The following NELL1 variants were observed in gnomAD, a reference collection of about 807,000 sequenced individuals.
NELL1 encodes the protein protein kinase C-binding protein NELL1.
Under a neutral mutation model 107.4 loss-of-function variants are expected in NELL1, and 76 were observed. That is an observed-to-expected ratio of 0.71 (90% CI 0.59 to 0.86). The LOEUF is 0.86. NELL1 is among the 40% of genes least tolerant of loss of function. NELL1 has a pLI of 0.00. For synonymous variants in NELL1, 353 were observed against 341.2 expected (o/e 1.03, Z -0.38); for missense variants, 1,024 against 1,005.5 (o/e 1.02, Z -0.25).
intron 3 of NELL1, among the ~76,000 whole-genome samples, chr11:20,827,264 G>A (rs1177987204): frequency 6.6e-6 from 1 of 151,244 alleles, no homozygotes; most frequent in African/African-American, 2.4e-5. Context: ...TTATTCTTGT[G>A]CCAAAGCTCT....
intron 12 of NELL1, among the ~76,000 whole-genome samples, chr11:21,045,840 C>G (rs11025890): frequency 5.3e-5 from 8 of 152,094 alleles, no homozygotes; most frequent in Non-Finnish European, 1.2e-4. Flanking sequence ...TCATAAATGC[C>G]TTTCCACGTA....
intron 12 of NELL1, among the ~76,000 whole-genome samples, chr11:21,083,677 G>A (rs1206865161): frequency 6.6e-6 from 1 of 152,132 alleles, no homozygotes; most frequent in Admixed American, 6.5e-5. Context: ...TCTTAGTTTA[G>A]AGTATGTATA....
At chr11:21,457,231 G>A (rs1267805425) in intron 15 of NELL1, among the ~76,000 whole-genome samples, 2 of 152,040 alleles carry the variant, frequency 1.3e-5, no homozygotes, top group East Asian at 1.9e-4. Context: ...TTGGCTGGGT[G>A]GGTTGGTGAA....
intron 12 of NELL1, among the ~76,000 whole-genome samples, chr11:21,001,909 G>A (rs1852231080): frequency 6.6e-6 from 1 of 152,140 alleles, no homozygotes; most frequent in Non-Finnish European, 1.5e-5. Context: ...ACAGCCGTAG[G>A]CAGCAGGCTA....
At position 20,885,409 on chromosome 11, in the gene NELL1, C is replaced by A. The variant is rs200923901; in HGVS notation, c.507-35C>A. 2.7e-5 allele frequency: 37 copies of A among 1,361,786 alleles called. No individual in the cohort carries two copies. In the East Asian group the frequency reaches 3.2e-4, roughly 12 times the overall value. The allele number at this position is 1,361,786 out of a possible 1,614,324, so 84.4% of individuals were successfully genotyped here. A position where few individuals can be genotyped will look rare whatever the true frequency, so the allele number is the denominator to read the frequency against. The stretch of plus-strand genomic sequence containing the variant: ...TGCACCTTTTGGTTCTGCTTTGAGC[C>A]TCTCTATTAGTAACTGTGTTCTTTG... On this transcript the variant is annotated intron_variant, in intron 4 of 19. Coordinates refer to ENST00000357134, the MANE Select transcript of NELL1 (RefSeq NM_006157.5).
intron 10 of NELL1, among the ~76,000 whole-genome samples, chr11:20,945,029 C>T (rs763328498): frequency 3.3e-5 from 5 of 152,172 alleles, no homozygotes; most frequent in Non-Finnish European, 7.3e-5. Context: ...ATGGGAATCA[C>T]TCCCGAATCT....
Position 20,701,781 on chromosome 11 carries a change from C to T in NELL1, c.184+23721C>T, listed in dbSNP as rs186902535. Among the ~76,000 whole-genome samples the T allele has an allele frequency of 1.0e-3, 156 of 152,224 alleles. 2 individuals carry two copies. The East Asian group carries it at 0.025, about 24-fold the overall frequency. ...TAAATGGGGAATCCTTTCCCCATTG[C>T]TTGTTTTTGTCAGGTTTGTCAAAGA... On this transcript the variant is annotated intron_variant, in intron 2 of 19. Coordinates refer to ENST00000357134, the MANE Select transcript of NELL1 (RefSeq NM_006157.5).
chr11:21,544,640 C>A (rs561236085), intron 16 of NELL1, among the ~76,000 whole-genome samples: 6 of 151,876 alleles, frequency 4.0e-5, no homozygotes, highest in Non-Finnish European at 7.4e-5. Context: ...CAAAACAACT[C>A]CACCAGGTAG....
rs79961527 is a variant in NELL1 at position 21,239,490 on chromosome 11, T to C, written c.1549+10036T>C. ...TCTTTTCATATGTGTGCTGGCCTAG[T>C]TGTGACCAGTGGGAAACATTCGTGA... is the stretch of plus-strand genomic sequence containing the variant. On this transcript the variant is annotated intron_variant, in intron 14 of 19. Transcript: ENST00000357134. Among the ~76,000 whole-genome samples, 1,412 of 152,180 alleles carry C rather than the reference T, an allele frequency of 9.3e-3. 13 individuals are homozygous for C. Among genetic ancestry groups the C allele is most frequent in the Non-Finnish European group, 0.016 (1,088 of 67,976 alleles).
chr11:21,398,694 C>T (rs1243392788), intron 15 of NELL1, among the ~76,000 whole-genome samples: 2 of 151,702 alleles, frequency 1.3e-5, no homozygotes, highest in African/African-American at 4.8e-5. Context: ...CAATGTCTGG[C>T]AGATGCTCAG....
intron 9 of NELL1, among the ~76,000 whole-genome samples, chr11:20,929,222 T>C (rs1850565392): frequency 6.6e-6 from 1 of 152,176 alleles, no homozygotes; most frequent in South Asian, 2.1e-4. Context: ...AGGAGAGTTC[T>C]GGTCAGAAAT....
chr11:20,971,040 A>G (rs1312402646), intron 12 of NELL1, among the ~76,000 whole-genome samples: 7 of 152,162 alleles, frequency 4.6e-5, no homozygotes, highest in Non-Finnish European at 8.8e-5. Context: ...TCTGTCCCCA[A>G]ACTCTCGCAG....
At chr11:21,356,961 G>A (rs1249785108) in intron 14 of NELL1, among the ~76,000 whole-genome samples, 3 of 152,118 alleles carry the variant, frequency 2.0e-5, no homozygotes, top group African/African-American at 4.8e-5. Flanking sequence ...ACTCCATGTA[G>A]GTTGCTGCAA....
At chr11:20,683,225 T>C (rs111451511) in intron 2 of NELL1, among the ~76,000 whole-genome samples, 2,306 of 152,188 alleles carry the variant, frequency 0.015, 55 homozygotes, top group African/African-American at 0.053. Flanking sequence ...GACTACATTG[T>C]TATTTTTATT....
chr11:20,696,593 A>G (rs1440447798), intron 2 of NELL1, among the ~76,000 whole-genome samples: 2 of 152,038 alleles, frequency 1.3e-5, no homozygotes, highest in Non-Finnish European at 2.9e-5. Flanking sequence ...AATGTTTTTC[A>G]TTTTTTAACC....
At chr11:21,368,647 C>A (rs977089574) in intron 14 of NELL1, among the ~76,000 whole-genome samples, 1 of 151,972 alleles carries the variant, frequency 6.6e-6, no homozygotes, top group African/African-American at 2.4e-5. Context: ...TGAAAACTAC[C>A]CTTGTTAGGA....
intron 14 of NELL1, among the ~76,000 whole-genome samples, chr11:21,271,422 C>T (rs1441946970): frequency 6.6e-6 from 1 of 152,112 alleles, no homozygotes; most frequent in Non-Finnish European, 1.5e-5. Flanking sequence ...ATAATTCTCA[C>T]AGAAGAAGAC....
At chr11:21,100,820 AT>A (rs1169717367) in intron 12 of NELL1, among the ~76,000 whole-genome samples, 1 of 151,748 alleles carries the variant, frequency 6.6e-6, no homozygotes, top group Non-Finnish European at 1.5e-5. Flanking sequence ...GCAAAGTACA[AT>A]GTTTCTTTCT....
intron 7 of NELL1, among the ~76,000 whole-genome samples, chr11:20,924,292 T>C (rs1303001319): frequency 6.6e-6 from 1 of 152,204 alleles, no homozygotes; most frequent in Non-Finnish European, 1.5e-5. Flanking sequence ...TGAAGTTCTT[T>C]GAAAAATTAG....
Sources: allele counts gnomAD v4.1 joint callset (sites outside exome capture counted in the v4.1 genomes callset), GRCh38; gene constraint gnomAD v4.1.1; transcripts MANE v1.5; gene names NCBI Gene and HGNC (gene_info 2026-07-23, HGNC 2026-07-21).